The following TRABD2B variants were observed in gnomAD, a reference collection of about 807,000 sequenced individuals.
TRABD2B encodes metalloprotease TIKI2.
TRABD2B carries 14 observed loss-of-function variants against 40.1 expected under a neutral mutation model. The observed-to-expected ratio is 0.35, with a 90% CI of 0.23 to 0.55. TRABD2B has a LOEUF of 0.55. Among genes scored for constraint, TRABD2B ranks in the 20% least tolerant of loss-of-function variants. TRABD2B has a pLI of 0.90. For synonymous variants in TRABD2B, 263 were observed against 277.0 expected, an observed-to-expected ratio of 0.95 and a Z score of 0.50; for missense variants, 541 against 648.6, an observed-to-expected ratio of 0.83 and a Z score of 1.80.
At chr1:47,869,773 C>T (rs1644115127) in intron 2 of TRABD2B, among the ~76,000 whole-genome samples, 1 of 152,228 alleles carries the variant, frequency 6.6e-6, no homozygotes, top group Non-Finnish European at 1.5e-5. Context: ...AAACACATGG[C>T]ACATTCCCTC....
At chr1:47,848,385 G>C (rs1479368075) in intron 2 of TRABD2B, among the ~76,000 whole-genome samples, 1 of 152,122 alleles carries the variant, frequency 6.6e-6, no homozygotes, top group East Asian at 1.9e-4. Flanking sequence ...CAAGATTACG[G>C]CTCAGGCTGT....
intron 2 of TRABD2B, among the ~76,000 whole-genome samples, chr1:47,861,479 A>ATT (rs1643969920): frequency 6.6e-6 from 1 of 152,322 alleles, no homozygotes; most frequent in East Asian, 1.9e-4. Flanking sequence ...ATGGACATTA[A>ATT]ATGGAAAATA....
rs547475019 is a variant in TRABD2B at position 47,907,844 on chromosome 1, T to A, written c.666+86190A>T. Among the ~76,000 whole-genome samples, 113 of 152,300 alleles carry A rather than the reference T, an allele frequency of 7.4e-4. 1 individual carries two copies. Among genetic ancestry groups the A allele is most frequent in the African/African-American group, 2.6e-3 (108 of 41,558 alleles). ...GCTTTAACTGTCTTTCTAGCAATAA[T>A]GTTAACTGCAGGATTCACTGGCATC... On this transcript the variant is annotated intron_variant, in intron 2 of 6. Coordinates refer to ENST00000606738, the MANE Select transcript of TRABD2B (RefSeq NM_001194986.2).
chr1:47,866,833 T>G (rs1295484264), intron 2 of TRABD2B, among the ~76,000 whole-genome samples: 1 of 152,136 alleles, frequency 6.6e-6, no homozygotes, highest in Non-Finnish European at 1.5e-5. Context: ...AACACCCAAA[T>G]GAAGGCAGGC....
chr1:47,838,760 A>G (rs1393103993), intron 2 of TRABD2B, among the ~76,000 whole-genome samples: 1 of 152,226 alleles, frequency 6.6e-6, no homozygotes, highest in Non-Finnish European at 1.5e-5. Context: ...GACGCCCAGA[A>G]GAGTAAGGGA....
At chr1:47,859,589 A>T (rs1459439728) in intron 2 of TRABD2B, among the ~76,000 whole-genome samples, 1 of 152,158 alleles carries the variant, frequency 6.6e-6, no homozygotes, top group Non-Finnish European at 1.5e-5. Flanking sequence ...GAGTTTGGGG[A>T]GGTTTGTGCA....
At chr1:47,856,306 C>T (rs1643889208) in intron 2 of TRABD2B, among the ~76,000 whole-genome samples, 1 of 152,222 alleles carries the variant, frequency 6.6e-6, no homozygotes, top group Admixed American at 6.5e-5. Context: ...CCTGCTCTAC[C>T]CTCTGCTGTC....
intron 2 of TRABD2B, among the ~76,000 whole-genome samples, chr1:47,900,890 TAA>T (rs1288154489): frequency 5.3e-5 from 8 of 152,102 alleles, no homozygotes; most frequent in African/African-American, 1.7e-4. Context: ...CACCATCTTT[TAA>T]GAGACAAAGA....
At chr1:47,890,443 C>T (rs1644429419) in intron 2 of TRABD2B, among the ~76,000 whole-genome samples, 1 of 152,204 alleles carries the variant, frequency 6.6e-6, no homozygotes, top group Non-Finnish European at 1.5e-5. Flanking sequence ...TCAAGCCTTG[C>T]TGGCCTCCTT....
intron 2 of TRABD2B, among the ~76,000 whole-genome samples, chr1:47,974,765 A>G (rs1424314012): frequency 6.6e-6 from 1 of 152,184 alleles, no homozygotes; most frequent in Non-Finnish European, 1.5e-5. Flanking sequence ...GATGGAGGGA[A>G]AAAAGGGTAC....
At chr1:47,805,613 T>C (rs979042187) in intron 2 of TRABD2B, among the ~76,000 whole-genome samples, 1 of 152,226 alleles carries the variant, frequency 6.6e-6, no homozygotes, top group Non-Finnish European at 1.5e-5. Context: ...AGAGGTATGC[T>C]GATCCAGAAT....
At chr1:47,828,661 A>G (rs1316225220) in intron 2 of TRABD2B, among the ~76,000 whole-genome samples, 2 of 152,180 alleles carry the variant, frequency 1.3e-5, no homozygotes, top group African/African-American at 4.8e-5. Flanking sequence ...GGGTTCCCAG[A>G]GGGGCTTCTT....
At chr1:47,895,251 C>T (rs1392824521) in intron 2 of TRABD2B, among the ~76,000 whole-genome samples, 2 of 152,072 alleles carry the variant, frequency 1.3e-5, no homozygotes, top group African/African-American at 4.8e-5. Context: ...AGCCCACTCG[C>T]CCCACCCCCC....
intron 2 of TRABD2B, among the ~76,000 whole-genome samples, chr1:47,845,880 T>C (rs1446888222): frequency 6.6e-6 from 1 of 152,228 alleles, no homozygotes; most frequent in Non-Finnish European, 1.5e-5. Context: ...TTGAAATCCC[T>C]AGAACAATGC....
At chr1:47,936,487 CT>C (rs1214822176) in intron 2 of TRABD2B, among the ~76,000 whole-genome samples, 1 of 152,118 alleles carries the variant, frequency 6.6e-6, no homozygotes, top group African/African-American at 2.4e-5. Context: ...TCAGGAGAGG[CT>C]TGTGGAAGAG....
chr1:47,834,118 G>A (rs1645286932), intron 2 of TRABD2B, among the ~76,000 whole-genome samples: 1 of 152,176 alleles, frequency 6.6e-6, no homozygotes, highest in African/African-American at 2.4e-5. Flanking sequence ...AACTATCACT[G>A]TTTGACCCAT....
intron 6 of TRABD2B, among the ~76,000 whole-genome samples, chr1:47,770,660 T>G (rs1644366166): frequency 6.6e-6 from 1 of 152,248 alleles, no homozygotes; most frequent in African/African-American, 2.4e-5. Context: ...GGCACCACAC[T>G]GGAAGCCATC....
At chr1:47,980,115 A>G (rs1274734723) in intron 2 of TRABD2B, among the ~76,000 whole-genome samples, 1 of 152,174 alleles carries the variant, frequency 6.6e-6, no homozygotes, top group Non-Finnish European at 1.5e-5. Context: ...GTGCTTCTAT[A>G]GTCAATTGCC....
intron 2 of TRABD2B, among the ~76,000 whole-genome samples, chr1:47,808,828 A>G (rs1031269964): frequency 1.1e-4 from 17 of 152,132 alleles, no homozygotes; most frequent in Admixed American, 9.8e-4. Context: ...ACCAGCTGGT[A>G]GGAAGTACAG....
Sources: allele counts gnomAD v4.1 joint callset (sites outside exome capture counted in the v4.1 genomes callset), GRCh38; gene constraint gnomAD v4.1.1; transcripts MANE v1.5; gene names NCBI Gene and HGNC (gene_info 2026-07-23, HGNC 2026-07-21).